The following GDI2 variants were observed in gnomAD, a reference collection of about 807,000 sequenced individuals.
GDI2 encodes the protein rab GDP dissociation inhibitor beta.
GDI2 carries 22 observed loss-of-function variants against 54.2 expected under a neutral mutation model. The observed-to-expected ratio is 0.41, with a 90% confidence interval of 0.29 to 0.58. The LOEUF (loss-of-function observed/expected upper bound fraction) is 0.58. Among genes scored for constraint, GDI2 ranks in the 20% least tolerant of loss-of-function variants. The pLI is 0.35. For synonymous variants in GDI2, 177 were observed against 182.1 expected (o/e 0.97, Z 0.23); for missense variants, 422 against 546.0 (o/e 0.77, Z 2.26).
At chr10:5,782,546 T>C (rs901874048) in intron 6 of GDI2, among the ~76,000 whole-genome samples, 1 of 152,138 alleles carries the variant, frequency 6.6e-6, no homozygotes, top group Non-Finnish European at 1.5e-5. Context: ...CCTTCATTCA[T>C]AATAGCCAAA....
At chr10:5,791,419 G>A (rs1328762619) in intron 4 of GDI2, among the ~76,000 whole-genome samples, 2 of 152,266 alleles carry the variant, frequency 1.3e-5, no homozygotes, top group East Asian at 1.9e-4. Flanking sequence ...AGACCAGCCT[G>A]GCCAACATGG....
chr10:5,771,434 C>T (rs1384313321), intron 7 of GDI2, among the ~76,000 whole-genome samples: 1 of 152,164 alleles, frequency 6.6e-6, no homozygotes, highest in African/African-American at 2.4e-5. Context: ...TATGCACAGA[C>T]CCTTTTTCCA....
chr10:5,776,860 T>G lies in GDI2; in HGVS notation c.720-2919A>C. 1 of 1,200,866 alleles carries G rather than the reference T, an allele frequency of 8.3e-7. No individual in the cohort carries two copies. Among genetic ancestry groups the G allele is most frequent in the South Asian group, 1.5e-5 (1 of 65,016 alleles). 74.4% of individuals were successfully genotyped at this position (1,200,866 alleles called of 1,614,324 possible). On this transcript the variant is annotated intron_variant, in intron 6 of 10. Coordinates refer to ENST00000380191, the MANE Select transcript of GDI2 (RefSeq NM_001494.4). The surrounding 1 kb of genome is among the most constrained non-coding windows in gnomAD (Gnocchi z 5.3). ...TATTCTGAAAGGATTTATGAATAATTAAAATGGAAGGCCAGAGAAGAGGGG... is the reference window on the plus strand; with the variant it reads ...TATTCTGAAAGGATTTATGAATAATGAAAATGGAAGGCCAGAGAAGAGGGG...
At chr10:5,784,295 T>C (rs987758592) in intron 6 of GDI2, among the ~76,000 whole-genome samples, 1 of 152,250 alleles carries the variant, frequency 6.6e-6, no homozygotes, top group East Asian at 1.9e-4. Context: ...TATTTATTTA[T>C]GCTATTTTCC....
At chr10:5,785,600 T>G (rs1374589892) in intron 5 of GDI2, among the ~76,000 whole-genome samples, 1 of 152,166 alleles carries the variant, frequency 6.6e-6, no homozygotes, top group Admixed American at 6.5e-5. Context: ...GGTCTTGAAC[T>G]CCTGACCTCA....
At chr10:5,808,696 T>TA (rs1841427069) in intron 1 of GDI2, among the ~76,000 whole-genome samples, 3 of 110,408 alleles carry the variant, frequency 2.7e-5, no homozygotes, top group East Asian at 5.0e-4. Flanking sequence ...ATTGTTGTTA[T>TA]TAAAAAAAAA....
At chr10:5,808,722 C>CAA (rs1841428541) in intron 1 of GDI2, among the ~76,000 whole-genome samples, 1 of 37,230 alleles carries the variant, frequency 2.7e-5, no homozygotes, top group African/African-American at 6.0e-5. Context: ...AAAAAAACTA[C>CAA]AAATACACAC....
At chr10:5,773,735 C>A in intron 7 of GDI2, 107 bp downstream of exon 7, 3 of 666,882 alleles carry the variant, frequency 4.5e-6, no homozygotes, top group Non-Finnish European at 8.0e-6. Context: ...TACTAACTTC[C>A]CATACAGAAA....
At chr10:5,798,788 C>T (rs986871754) in intron 2 of GDI2, among the ~76,000 whole-genome samples, 2 of 151,794 alleles carry the variant, frequency 1.3e-5, no homozygotes, top group Non-Finnish European at 2.9e-5. Context: ...GCATGGCCAA[C>T]AAGAAGAAAT....
intron 1 of GDI2, among the ~76,000 whole-genome samples, chr10:5,808,844 T>G (rs1328564307): frequency 6.6e-6 from 1 of 151,978 alleles, no homozygotes; most frequent in Non-Finnish European, 1.5e-5. Flanking sequence ...CCAGAAAAAT[T>G]TTAAATCAGT....
intron 6 of GDI2, among the ~76,000 whole-genome samples, chr10:5,775,803 A>G (rs1031992543): frequency 2.0e-5 from 3 of 152,232 alleles, no homozygotes; most frequent in African/African-American, 7.2e-5. Flanking sequence ...ACGTTTAAGA[A>G]TAAGCAGAGG....
chr10:5,770,604 T>C (rs114386736), intron 7 of GDI2, among the ~76,000 whole-genome samples: 3,932 of 151,630 alleles, frequency 0.026, 111 homozygotes, highest in African/African-American at 0.069. Context: ...TGAATGGTGG[T>C]TGTGGTGGTT....
At chr10:5,804,643 T>C (rs1239080741) in intron 1 of GDI2, among the ~76,000 whole-genome samples, 1 of 152,164 alleles carries the variant, frequency 6.6e-6, no homozygotes, top group Non-Finnish European at 1.5e-5. Flanking sequence ...ATCATTGCTA[T>C]AGAGCAAAGG....
At chr10:5,786,177 T>TC in intron 4 of GDI2, 127 bp from the exon 5 acceptor site, 1 of 628,054 alleles carries the variant, frequency 1.6e-6, no homozygotes, top group Non-Finnish European at 2.7e-6. Flanking sequence ...TTTTTTTTTT[T>TC]TTTTTTTTTT....
intron 1 of GDI2, among the ~76,000 whole-genome samples, chr10:5,801,200 G>T (rs539801331): frequency 1.3e-5 from 2 of 151,922 alleles, no homozygotes; most frequent in Non-Finnish European, 2.9e-5. Context: ...TGATCCTCCC[G>T]CCTCAGCCTC....
chr10:5,779,975 T>A (rs540904676), intron 6 of GDI2, among the ~76,000 whole-genome samples: 48 of 152,080 alleles, frequency 3.2e-4, no homozygotes, highest in African/African-American at 1.0e-3. Context: ...ATTACAGGCA[T>A]GAGCCACCAT....
Position 5,776,494 on chromosome 10 carries a change from G to A in GDI2, c.720-2553C>T, listed in dbSNP as rs1840625097. 6 of 1,214,230 alleles carry A rather than the reference G, an allele frequency of 4.9e-6. No homozygotes were observed. The highest frequency in any genetic ancestry group is 1.7e-5 in the Admixed American group (1 of 58,694). The allele number at this position is 1,214,230 out of a possible 1,614,324, so 75.2% of individuals were successfully genotyped here. A position where few individuals can be genotyped will look rare whatever the true frequency, so the allele number is the denominator to read the frequency against. On this transcript the variant is annotated intron_variant, in intron 6 of 10. Transcript: ENST00000380191. The surrounding 1 kb of genome is among the most constrained non-coding windows in gnomAD (Gnocchi z 5.3). The stretch of plus-strand genomic sequence containing the variant: ...GAGCCAGCAGAGCCATGTATTAGAA[G>A]CAAAGGCCCGAAAGATAAAACAATT...
chr10:5,765,674 A>T lies in GDI2; in HGVS notation c.*332T>A. 5.2e-6 allele frequency: 1 copy of T among 193,772 alleles called. No homozygotes were observed. Among genetic ancestry groups the T allele is most frequent in the African/African-American group, 2.3e-5 (1 of 42,582 alleles). The allele number at this position is 193,772 out of a possible 1,614,324, so 12.0% of individuals were successfully genotyped here. Reference sequence around the variant, plus strand: ...ACAACCTGTATGGATCCAGCTCTTGAGCAGCAGCAGCACATAGCTACACTG... The same window carrying T: ...ACAACCTGTATGGATCCAGCTCTTGTGCAGCAGCAGCACATAGCTACACTG... On this transcript the variant is annotated 3_prime_UTR_variant, in exon 11 of 11. Coordinates refer to ENST00000380191, the MANE Select transcript of GDI2 (RefSeq NM_001494.4).
rs1840422780 is a variant in GDI2, at chr10:5,768,974, A to G, written c.820-590T>C. ...AAAGGAAAGAATTCATGAAAACAGG[A>G]TTTCATGAAAATTTTAAAAATCTTG... On this transcript the variant is annotated intron_variant, in intron 7 of 10. Coordinates refer to ENST00000380191, the MANE Select transcript of GDI2 (RefSeq NM_001494.4). The surrounding 1 kb of genome is among the most constrained non-coding windows in gnomAD (Gnocchi z 4.4). The G allele has an allele frequency of 6.6e-6, 1 of 152,204 alleles. No homozygotes were observed. Among genetic ancestry groups the G allele is most frequent in the Non-Finnish European group, 1.5e-5 (1 of 68,042 alleles). 9.4% of individuals were successfully genotyped at this position (152,204 alleles called of 1,614,324 possible).
Sources: gnomAD v4.1 joint callset for allele counts (sites outside exome capture counted in the v4.1 genomes callset) on GRCh38, gnomAD v4.1.1 for gene constraint, Gnocchi (gnomAD v3.1) non-coding constraint, MANE v1.5 for transcripts, NCBI Gene and HGNC (gene_info 2026-07-23, HGNC 2026-07-21) for gene names.